Variants in DOCK3 observed in about 807,000 individuals in gnomAD.
DOCK3 encodes dedicator of cytokinesis protein 3.
A neutral mutation model predicts 265.6 loss-of-function variants in DOCK3; 60 were observed. That is an observed-to-expected ratio of 0.23 (90% CI 0.18 to 0.28). The LOEUF is 0.28. Ranked by LOEUF, DOCK3 falls within the 10% of genes least tolerant of loss-of-function variation. The pLI is 1.00. For missense variants in DOCK3, 1,981 were observed against 2,594.3 expected (o/e 0.76, Z 5.14); for synonymous variants, 881 against 938.0 (o/e 0.94, Z 1.11).
Position 51,381,048 on chromosome 3 carries a change from A to G in DOCK3, c.5584-2A>G. 1 of 1,583,274 alleles carries G rather than the reference A, an allele frequency of 6.3e-7. No homozygotes were observed. Among genetic ancestry groups the G allele is most frequent in the Non-Finnish European group, 8.6e-7 (1 of 1,161,150 alleles). On this transcript the variant is annotated splice_acceptor_variant, in intron 52 of 52. Coordinates refer to ENST00000266037, the MANE Select transcript of DOCK3 (RefSeq NM_004947.5). LOFTEE classifies it high-confidence loss of function. The surrounding 1 kb of genome is among the most constrained non-coding windows in gnomAD (Gnocchi z 5.6). ...CTAACATGCCCACCCTTTCCTTCGC[A>G]GTCTCCTCTCCACCCTATCCCAGCC...
At position 51,233,344 on chromosome 3, in the gene DOCK3, A is replaced by G. The variant is rs1560254246; in HGVS notation, c.1918-3001A>G. Among the ~76,000 whole-genome samples, 17 of 38,332 alleles carry G rather than the reference A, an allele frequency of 4.4e-4. No individual in the cohort carries two copies. In the South Asian group the frequency reaches 0.018, roughly 40 times the overall value. 25.1% of individuals were successfully genotyped at this position (38,332 alleles called of 152,430 possible). On this transcript the variant is annotated intron_variant, in intron 19 of 52. Coordinates refer to ENST00000266037, the MANE Select transcript of DOCK3 (RefSeq NM_004947.5). ...TATCTATCTATCTATCTATCTATCT[A>G]TCTATCTATCTATCTATTTATTTAT...
At chr3:50,990,436 A>T (rs914894222) in intron 5 of DOCK3, among the ~76,000 whole-genome samples, 6 of 152,132 alleles carry the variant, frequency 3.9e-5, no homozygotes, top group Non-Finnish European at 7.4e-5. Context: ...TACAAAGGGA[A>T]CCCCATCAGG....
At chr3:51,141,932 C>G (rs970184829) in intron 9 of DOCK3, among the ~76,000 whole-genome samples, 1 of 148,016 alleles carries the variant, frequency 6.8e-6, no homozygotes, top group African/African-American at 2.5e-5. Flanking sequence ...CTTAAATGGT[C>G]TTGAGAATTT....
At chr3:50,947,097 T>C (rs1280603969) in intron 5 of DOCK3, among the ~76,000 whole-genome samples, 1 of 152,030 alleles carries the variant, frequency 6.6e-6, no homozygotes, top group South Asian at 2.1e-4. Context: ...TTCCCACTAC[T>C]TTTAATTTAC....
At chr3:50,742,454 T>C (rs1232896622) in intron 1 of DOCK3, among the ~76,000 whole-genome samples, 4 of 150,256 alleles carry the variant, frequency 2.7e-5, no homozygotes, top group African/African-American at 9.7e-5. Flanking sequence ...TTGAAAAAAA[T>C]TTAGACGAAT....
At chr3:51,335,665 G>T (rs2084810604) in intron 35 of DOCK3, among the ~76,000 whole-genome samples, 1 of 152,204 alleles carries the variant, frequency 6.6e-6, no homozygotes, top group South Asian at 2.1e-4. Flanking sequence ...CTTTTCCTCT[G>T]CCTCAATGCA....
chr3:51,216,763 T>C (rs544053554), intron 14 of DOCK3, among the ~76,000 whole-genome samples: 3 of 152,296 alleles, frequency 2.0e-5, no homozygotes, highest in South Asian at 4.1e-4. Flanking sequence ...ACAGGAAAAG[T>C]GTGCAGGAGT....
intron 5 of DOCK3, among the ~76,000 whole-genome samples, chr3:51,009,222 AT>A (rs1161445699): frequency 6.6e-6 from 1 of 152,152 alleles, no homozygotes; most frequent in African/African-American, 2.4e-5. Flanking sequence ...CTCTCATAGA[AT>A]TCGGCTGTGA....
At chr3:51,075,525 A>G in intron 7 of DOCK3, 85 bp downstream of exon 7, 2 of 1,194,558 alleles carry the variant, frequency 1.7e-6, no homozygotes, top group Middle Eastern at 2.5e-4. Context: ...ATGAAACAAC[A>G]TTGCTAAAAA....
intron 7 of DOCK3, among the ~76,000 whole-genome samples, chr3:51,079,533 G>A (rs556045105): frequency 2.0e-5 from 3 of 151,414 alleles, no homozygotes; most frequent in Non-Finnish European, 2.9e-5. Context: ...TTATTTTTTC[G>A]GTAGAGATGA....
At chr3:50,692,571 T>C (rs2035327016) in intron 1 of DOCK3, among the ~76,000 whole-genome samples, 1 of 152,226 alleles carries the variant, frequency 6.6e-6, no homozygotes, top group South Asian at 2.1e-4. Flanking sequence ...GGCCACAGAT[T>C]GATATTAATT....
intron 1 of DOCK3, among the ~76,000 whole-genome samples, chr3:50,763,508 C>T (rs1368958056): frequency 6.6e-6 from 1 of 152,080 alleles, no homozygotes; most frequent in African/African-American, 2.4e-5. Context: ...GTCTCAAACT[C>T]CTGACCTCAG....
chr3:50,709,471 C>T (rs1408911633), intron 1 of DOCK3, among the ~76,000 whole-genome samples: 4 of 152,004 alleles, frequency 2.6e-5, no homozygotes, highest in Admixed American at 2.0e-4. Flanking sequence ...TGTTCCTGAT[C>T]TTAAGGGGAA....
chr3:50,753,724 T>TA (rs1193020714), intron 1 of DOCK3, among the ~76,000 whole-genome samples: 1 of 152,164 alleles, frequency 6.6e-6, no homozygotes, highest in African/African-American at 2.4e-5. Context: ...GGGAATCTAT[T>TA]AGAGTCTTCT....
chr3:51,063,985 T>C (rs576628255), intron 5 of DOCK3, among the ~76,000 whole-genome samples: 1 of 152,314 alleles, frequency 6.6e-6, no homozygotes, highest in South Asian at 2.1e-4. Flanking sequence ...TGGCTTTATA[T>C]TGAAACATTA....
chr3:51,059,868 T>C (rs1385418373), intron 5 of DOCK3, among the ~76,000 whole-genome samples: 4 of 152,148 alleles, frequency 2.6e-5, no homozygotes, highest in Non-Finnish European at 5.9e-5. Flanking sequence ...TCTGTTCATG[T>C]CTACTCAAGG....
intron 4 of DOCK3, among the ~76,000 whole-genome samples, chr3:50,933,307 T>C (rs1575564002): frequency 6.6e-6 from 1 of 152,356 alleles, no homozygotes; most frequent in Middle Eastern, 3.4e-3. Context: ...TCTCTGAAGA[T>C]AGAAATCCTG....
intron 5 of DOCK3, among the ~76,000 whole-genome samples, chr3:51,000,109 C>G (rs923042767): frequency 3.9e-5 from 6 of 152,154 alleles, no homozygotes; most frequent in South Asian, 2.1e-4. Context: ...TACCTAGGTG[C>G]TTTTAAATGT....
chr3:51,246,117 G>A (rs957196321), intron 21 of DOCK3, among the ~76,000 whole-genome samples: 1 of 152,040 alleles, frequency 6.6e-6, no homozygotes, highest in Non-Finnish European at 1.5e-5. Flanking sequence ...GGGACTCCTG[G>A]GACTGCATAC....
Sources: allele counts gnomAD v4.1 joint callset (sites outside exome capture counted in the v4.1 genomes callset), GRCh38; gene constraint gnomAD v4.1.1; non-coding constraint Gnocchi (gnomAD v3.1); transcripts MANE v1.5; gene names NCBI Gene and HGNC (gene_info 2026-07-23, HGNC 2026-07-21).